The following CATSPERD variants were observed in gnomAD, a reference collection of about 807,000 sequenced individuals.
CATSPERD encodes cation channel sperm-associated auxiliary subunit delta.
Under a neutral mutation model 98.1 loss-of-function variants are expected in CATSPERD, and 86 were observed. The ratio of observed to expected loss-of-function variants is 0.88; its 90% CI spans 0.74 to 1.05. The LOEUF is 1.05. Among genes scored for constraint, CATSPERD ranks in the 50% least tolerant of loss-of-function variants. The probability of loss-of-function intolerance (pLI) is 0.00; values close to 1 mark genes in which losing one functional copy is unlikely to be tolerated. For synonymous variants in CATSPERD, 394 were observed against 390.2 expected, an observed-to-expected ratio of 1.01 and a Z score of -0.12; for missense variants, 995 against 1,005.7, an observed-to-expected ratio of 0.99 and a Z score of 0.14.
chr19:5,735,506 C>T (rs2055826352), intron 5 of CATSPERD, among the ~76,000 whole-genome samples: 1 of 138,908 alleles, frequency 7.2e-6, no homozygotes, highest in Admixed American at 7.7e-5. Context: ...CGGAGTCTCG[C>T]TCTGTCACTA....
intron 19 of CATSPERD, 56 bp from the exon 20 acceptor site, chr19:5,772,732 G>C: frequency 6.4e-7 from 1 of 1,552,002 alleles, no homozygotes; most frequent in Non-Finnish European, 8.7e-7. Context: ...TGTGGCCCGG[G>C]TCTTCCTGGG....
chr19:5,769,153 CA>C (rs1348853919), intron 18 of CATSPERD, among the ~76,000 whole-genome samples: 14 of 139,452 alleles, frequency 1.0e-4, no homozygotes, highest in Admixed American at 1.4e-4. Context: ...GACTCTGTCT[CA>C]AAAAAAAAAG....
intron 4 of CATSPERD, among the ~76,000 whole-genome samples, chr19:5,730,981 AT>A (rs1481052750): frequency 4.6e-5 from 7 of 151,450 alleles, no homozygotes; most frequent in African/African-American, 1.7e-4. Context: ...AACCCCAGCT[AT>A]TCGGGAGGCT....
chr19:5,724,054 A>G (rs2055555937), intron 1 of CATSPERD, among the ~76,000 whole-genome samples: 1 of 152,050 alleles, frequency 6.6e-6, no homozygotes, highest in Non-Finnish European at 1.5e-5. Context: ...TGGCCTCCCA[A>G]AGTGCTGGGA....
Position 5,733,976 on chromosome 19 carries a change from T to A in CATSPERD, c.391+6T>A. On this transcript the variant is annotated splice_donor_region_variant and intron_variant, in intron 5 of 21. Transcript: ENST00000381624. ...TTCTTGGAGCATGTCTTTAGGTATG[T>A]ACATTTTGTATTTTTAAATTTTGTT... 6.5e-7 allele frequency: 1 copy of A among 1,544,404 alleles called. No homozygotes were observed. The highest frequency in any genetic ancestry group is 8.9e-7 in the Non-Finnish European group (1 of 1,127,926).
At chr19:5,731,611 C>A (rs112321996) in intron 4 of CATSPERD, among the ~76,000 whole-genome samples, 1 of 130,952 alleles carries the variant, frequency 7.6e-6, no homozygotes, top group Non-Finnish European at 1.6e-5. Flanking sequence ...CTCTGTCACC[C>A]AGGCCGGACT....
intron 20 of CATSPERD, 73 bp downstream of exon 20, chr19:5,773,038 C>A (rs1568376278): frequency 1.4e-6 from 2 of 1,458,486 alleles, no homozygotes; most frequent in African/African-American, 1.4e-5. Context: ...GTGAGGACAC[C>A]GTGCGGCCAT....
intron 9 of CATSPERD, among the ~76,000 whole-genome samples, chr19:5,747,169 C>CTTT (rs748726369): frequency 9.5e-6 from 1 of 105,766 alleles, no homozygotes; most frequent in African/African-American, 3.8e-5. Flanking sequence ...AATGGTTTCC[C>CTTT]TTTTTTTTTT....
intron 4 of CATSPERD, 75 bp downstream of exon 4, chr19:5,730,019 C>T: frequency 1.1e-6 from 1 of 882,838 alleles, no homozygotes; most frequent in Admixed American, 2.3e-5. Context: ...TCAGAAATAT[C>T]AGACTGGTCT....
intron 5 of CATSPERD, among the ~76,000 whole-genome samples, chr19:5,735,084 A>T (rs2055816191): frequency 6.6e-6 from 1 of 152,168 alleles, no homozygotes; most frequent in Non-Finnish European, 1.5e-5. Flanking sequence ...GCCTGAGCCC[A>T]GGAGTTCAAG....
rs972881180 is a variant in CATSPERD at position 5,744,293 on chromosome 19, CCA to C, written c.574-131_574-130del. 18 of 744,924 alleles carry C rather than the reference CCA, an allele frequency of 2.4e-5. No individual in the cohort carries two copies. In the African/African-American group the frequency reaches 2.7e-4, roughly 11 times the overall value. 46.1% of individuals were successfully genotyped at this position (744,924 alleles called of 1,614,324 possible). ...CCGCACCCAATTGAGTGCCATATTTCCACAGAGGGCATTATTTGTTTTTCTAA... is the reference window on the plus strand; with the variant it reads ...CCGCACCCAATTGAGTGCCATATTTCCAGAGGGCATTATTTGTTTTTCTAA... On this transcript the variant is annotated intron_variant, in intron 7 of 21. Coordinates refer to ENST00000381624, the MANE Select transcript of CATSPERD (RefSeq NM_152784.4).
chr19:5,778,470 T>G lies in CATSPERD; in HGVS notation c.2191T>G (p.Ser731Ala). Reference sequence around the variant, plus strand: ...TGGAGTCGTCATCCTACTGATCATCTCCAGCATCCTGGGGTCCGTTTGGCT... The same window carrying G: ...TGGAGTCGTCATCCTACTGATCATCGCCAGCATCCTGGGGTCCGTTTGGCT... ...SAGVVILLII[S>A]SILGSVWLAY... Residue 731 changes from serine (S) to alanine (A), a missense_variant, in exon 22 of 22, where the codon TCC becomes GCC. Physicochemically the swap from Ser to Ala is moderately conservative, Grantham distance 99. Transcript: ENST00000381624. 1 of 1,613,982 alleles carries G rather than the reference T, an allele frequency of 6.2e-7. No individual in the cohort carries two copies. Among genetic ancestry groups the G allele is most frequent in the Non-Finnish European group, 8.5e-7 (1 of 1,180,020 alleles).
chr19:5,764,123 A>G (rs1286353176), intron 16 of CATSPERD, among the ~76,000 whole-genome samples: 1 of 151,710 alleles, frequency 6.6e-6, no homozygotes, highest in East Asian at 2.0e-4. Flanking sequence ...TGCTGGGATC[A>G]CAGGCATGAG....
At chr19:5,768,107 C>T (rs1302185487) in intron 17 of CATSPERD, 61 bp from the exon 18 acceptor site, 1 of 1,472,538 alleles carries the variant, frequency 6.8e-7, no homozygotes, top group Non-Finnish European at 9.5e-7. Context: ...TCTGTCCCAT[C>T]CATAATGGTT....
In CATSPERD at chr19:5,737,146, C is replaced by A. The variant is rs775147387; in HGVS notation, c.400C>A (p.His134Asn). The A allele has an allele frequency of 6.2e-7, 1 of 1,603,714 alleles. No homozygotes were observed. Among genetic ancestry groups the A allele is most frequent in the African/African-American group, 1.3e-5 (1 of 74,830 alleles). The part of the protein sequence containing the change: ...NSWSMSLGIK[H>N]PVTHVSGDNC... ...TTATATTTTCCTTTCAGGTATAAAACACCCTGTTACACATGTCTCTGGTGA... is the reference window on the plus strand; with the variant it reads ...TTATATTTTCCTTTCAGGTATAAAAAACCCTGTTACACATGTCTCTGGTGA... The change falls in exon 6 of 22, where the codon CAC (histidine) becomes AAC (asparagine). Residue 134 changes from histidine to asparagine, a missense_variant. Physicochemically the swap from His to Asn is moderately conservative, Grantham distance 68. This residue lies in a region of CATSPERD where 228 missense variants were observed against 209.6 expected (regional missense o/e 1.09). Transcript: ENST00000381624.
chr19:5,768,338 T>C, intron 18 of CATSPERD, 96 bp downstream of exon 18: 1 of 754,968 alleles, frequency 1.3e-6, no homozygotes, highest in African/African-American at 1.9e-5. Flanking sequence ...ATTTATTTAT[T>C]TATTTATTAT....
At chr19:5,750,450 CAAAAAAAAAAA>C (rs60496454) in intron 11 of CATSPERD, among the ~76,000 whole-genome samples, 2 of 48,660 alleles carry the variant, frequency 4.1e-5, no homozygotes, top group African/African-American at 1.7e-4. Context: ...GACTCTGTCT[CAAAAAAAAAAA>C]AAAAAAAAAA....
chr19:5,743,651 T>TCTCTCTCTCTCTCTTC (rs1368288660), intron 7 of CATSPERD, among the ~76,000 whole-genome samples: 37 of 143,110 alleles, frequency 2.6e-4, no homozygotes, highest in East Asian at 1.6e-3. Flanking sequence ...TGTCTCTGTC[T>TCTCTCTCTCTCTCTTC]CTCTCTCTCT....
chr19:5,770,949 T>C lies in CATSPERD; in HGVS notation c.1640T>C (p.Phe547Ser). Residue 547 changes from phenylalanine to serine, a missense_variant, in exon 19 of 22, where the codon TTC becomes TCC. Phe to Ser is a radical substitution (Grantham distance 155). Around this residue, in one of 3 missense-constraint regions of CATSPERD, gnomAD observed 762 missense variants for 773.7 expected, o/e 0.98. Transcript: ENST00000381624. ...DNYSFIIEKE[F>S]YDPGFQGQQS... is the part of the protein sequence containing the mutation. ...TGCTTCTTGGTGTCTTGAAGGGAAT[T>C]CTACGACCCCGGCTTCCAGGGGCAG... 1 of 1,607,212 alleles carries C rather than the reference T, an allele frequency of 6.2e-7. No individual in the cohort carries two copies. The highest frequency in any genetic ancestry group is 1.1e-5 in the South Asian group (1 of 90,002).
Sources: gnomAD v4.1 joint callset for allele counts (sites outside exome capture counted in the v4.1 genomes callset) on GRCh38, gnomAD v4.1.1 for gene constraint, gnomAD v4.1.1 regional missense constraint, MANE v1.5 for transcripts, NCBI Gene and HGNC (gene_info 2026-07-23, HGNC 2026-07-21) for gene names.